Variants in CES5A observed in about 807,000 individuals in gnomAD.
CES5A encodes carboxylesterase 5.
A neutral mutation model predicts 62.9 loss-of-function variants in CES5A; 67 were observed. The observed-to-expected ratio is 1.07, with a 90% CI of 0.88 to 1.31. CES5A has a LOEUF of 1.31. Among genes scored for constraint, CES5A ranks in the 50% most tolerant of loss-of-function variants. The probability of loss-of-function intolerance (pLI) is 0.00; values close to 1 mark genes in which losing one functional copy is unlikely to be tolerated. For missense variants in CES5A, 748 were observed against 708.5 expected (o/e 1.06, Z -0.63); for synonymous variants, 296 against 280.8 (o/e 1.05, Z -0.54).
chr16:55,917,764 G>T (rs1019014203), intron 1 of CES5A, among the ~76,000 whole-genome samples: 1 of 152,142 alleles, frequency 6.6e-6, no homozygotes, highest in Non-Finnish European at 1.5e-5. Context: ...CAAGGATAGC[G>T]AATTACAGAG....
At chr16:55,858,075 T>C (rs28659809) in intron 8 of CES5A, among the ~76,000 whole-genome samples, 8,257 of 152,202 alleles carry the variant, frequency 0.054, 761 homozygotes, top group African/African-American at 0.19. Flanking sequence ...GGTGGGTGCC[T>C]GTAATCCCAG....
At chr16:55,872,265 C>T (rs1352607598) in intron 2 of CES5A, among the ~76,000 whole-genome samples, 7 of 152,224 alleles carry the variant, frequency 4.6e-5, no homozygotes, top group South Asian at 2.1e-4. Context: ...TTGCTCAAGC[C>T]GGGCCCTTGC....
intron 1 of CES5A, among the ~76,000 whole-genome samples, chr16:55,905,449 C>T (rs9921655): frequency 0.15 from 22,341 of 151,654 alleles, 1,722 homozygotes; most frequent in South Asian, 0.17. Context: ...TCACTGCAAC[C>T]TCCGCCCCCC....
At chr16:55,858,548 C>T (rs1191647171) in intron 8 of CES5A, among the ~76,000 whole-genome samples, 1 of 152,144 alleles carries the variant, frequency 6.6e-6, no homozygotes, top group Non-Finnish European at 1.5e-5. Flanking sequence ...GACAAAAATC[C>T]CTAGTCCCAC....
chr16:55,946,935 A>G (rs1279131620), intron 2 of CES5A, among the ~76,000 whole-genome samples: 1 of 152,188 alleles, frequency 6.6e-6, no homozygotes, highest in East Asian at 1.9e-4. Context: ...AGTCTATTTC[A>G]AGCTGCTGCT....
chr16:55,910,150 C>G (rs755025820), intron 1 of CES5A, among the ~76,000 whole-genome samples: 10 of 152,160 alleles, frequency 6.6e-5, no homozygotes, highest in Non-Finnish European at 1.3e-4. Flanking sequence ...GGCGATGTGC[C>G]CTGTGGCCAC....
rs1183193444 is a variant in CES5A, at chr16:55,893,316, G to GA, written c.-255-19280dup. Among the ~76,000 whole-genome samples the GA allele has an allele frequency of 1.5e-3, 216 of 146,392 alleles. 1 individual carries two copies. The highest frequency in any genetic ancestry group is 4.3e-3 in the African/African-American group (174 of 40,068). On this transcript the variant is annotated intron_variant, in intron 1 of 12. Transcript: ENST00000518005. ...CTGTTTTCAATATCGGTATGAAATA[G>GA]AAAAAAAAAATTGGAATCATAAAGA...
At chr16:55,942,169 C>G (rs1439845588) in intron 2 of CES5A, among the ~76,000 whole-genome samples, 2 of 152,052 alleles carry the variant, frequency 1.3e-5, no homozygotes, top group East Asian at 3.8e-4. Context: ...TTAGATTAGA[C>G]AAAGATTTCT....
At chr16:55,874,176 C>T in intron 1 of CES5A, 139 bp from the exon 2 acceptor site, 2 of 734,322 alleles carry the variant, frequency 2.7e-6, no homozygotes, top group Non-Finnish European at 4.4e-6. Context: ...GTTCCCTCTC[C>T]ATGAATCCAG....
At chr16:55,949,733 C>A in intron 2 of CES5A, 1 of 734,364 alleles carries the variant, frequency 1.4e-6, no homozygotes, top group Non-Finnish European at 2.0e-6. Flanking sequence ...CAGCTGTTGG[C>A]CAGACTCAAG....
At chr16:55,927,387 G>T (rs1444348195), upstream of CES5A, among the ~76,000 whole-genome samples, 1 of 152,104 alleles carries the variant, frequency 6.6e-6, no homozygotes. Flanking sequence ...CTAAGATCTA[G>T]AATCTGCAAG....
intron 1 of CES5A, among the ~76,000 whole-genome samples, chr16:55,914,696 T>A (rs1037591808): frequency 2.0e-5 from 3 of 152,172 alleles, no homozygotes; most frequent in African/African-American, 7.2e-5. Context: ...GAATTGCTGG[T>A]CTGGGGAGCA....
chr16:55,952,787 A>T lies in CES5A; in HGVS notation c.43-2885T>A, dbSNP rs543675456. 2.8e-4 allele frequency among the ~76,000 whole-genome samples: 42 copies of T among 152,246 alleles called. No individual in the cohort carries two copies. The South Asian group carries it at 5.4e-3, about 20-fold the overall frequency. ...AAATAGTAATTTAAGATCTACCCCC[A>T]CTAAAGTGCACCAGAGTAAGAAAGT... On this transcript the variant is annotated intron_variant, in intron 1 of 13. Coordinates refer to the CES5A transcript ENST00000521992.
At chr16:55,909,335 A>G (rs1286410015) in intron 1 of CES5A, among the ~76,000 whole-genome samples, 1 of 152,168 alleles carries the variant, frequency 6.6e-6, no homozygotes, top group African/African-American at 2.4e-5. Flanking sequence ...GATAAAAGTT[A>G]ATCTGCTAAC....
At chr16:55,940,404 T>C (rs569444567) in intron 2 of CES5A, among the ~76,000 whole-genome samples, 1 of 152,026 alleles carries the variant, frequency 6.6e-6, no homozygotes, top group South Asian at 2.1e-4. Context: ...ACTACAAACA[T>C]AATACATATA....
At chr16:55,847,210 T>C (rs954244008) in intron 11 of CES5A, among the ~76,000 whole-genome samples, 4 of 151,372 alleles carry the variant, frequency 2.6e-5, no homozygotes, top group Non-Finnish European at 5.9e-5. Flanking sequence ...TCTCTCCCTA[T>C]CTCTCCCTTC....
intron 1 of CES5A, among the ~76,000 whole-genome samples, chr16:55,911,531 C>T (rs1197922772): frequency 1.3e-5 from 2 of 152,200 alleles, no homozygotes; most frequent in Admixed American, 6.5e-5. Flanking sequence ...ATTCTCACAA[C>T]ACAACAGAAG....
chr16:55,886,394 A>G (rs1224569859), intron 1 of CES5A, among the ~76,000 whole-genome samples: 2 of 152,212 alleles, frequency 1.3e-5, no homozygotes, highest in Non-Finnish European at 2.9e-5. Context: ...GGAGTGGGAC[A>G]GTGTGTAGAT....
intron 10 of CES5A, among the ~76,000 whole-genome samples, chr16:55,851,704 T>C (rs2033135895): frequency 6.6e-6 from 1 of 152,208 alleles, no homozygotes; most frequent in Admixed American, 6.5e-5. Context: ...ACAACTATGT[T>C]CATTGCAGCA....
Sources: allele counts gnomAD v4.1 joint callset (sites outside exome capture counted in the v4.1 genomes callset), GRCh38; gene constraint gnomAD v4.1.1; transcripts MANE v1.5; gene names NCBI Gene and HGNC (gene_info 2026-07-23, HGNC 2026-07-21).